NLGN4Y: variants seen among roughly 807,000 people sequenced by gnomAD.
NLGN4Y encodes the protein neuroligin 4 Y-linked.
Under a neutral mutation model 8.4 loss-of-function variants are expected in NLGN4Y, and 4 were observed. The observed-to-expected ratio is 0.48, with a 90% CI of 0.23 to 1.09. The LOEUF is 1.09. Among genes scored for constraint, NLGN4Y ranks in the 50% least tolerant of loss-of-function variants. The pLI, the probability that NLGN4Y is intolerant of heterozygous loss-of-function variation, is 0.19. For missense variants in NLGN4Y, 90 were observed against 192.3 expected (o/e 0.47, Z 3.15); for synonymous variants, 35 against 75.6 (o/e 0.46, Z 2.78).
chrY:14,742,572 A>G, intron 4 of NLGN4Y, among the ~76,000 whole-genome samples: 3 of 32,920 alleles, frequency 9.1e-5, no homozygotes, highest in Admixed American at 8.6e-4. Flanking sequence ...GAATTATTGC[A>G]TTAGAAATGT....
chrY:14,575,407 A>T, intron 1 of NLGN4Y, among the ~76,000 whole-genome samples: 3 of 33,307 alleles, frequency 9.0e-5, no homozygotes, highest in Non-Finnish European at 2.2e-4. Context: ...TGCATTTGTC[A>T]TGTAGTTCTT....
chrY:14,749,607 C>A (rs2081035795), intron 4 of NLGN4Y, among the ~76,000 whole-genome samples: 1 of 33,777 alleles, frequency 3.0e-5, no homozygotes. Context: ...GCTATGCATT[C>A]TCTTCTGTGT....
At chrY:14,639,561 C>T (rs2080581109) in intron 2 of NLGN4Y, 3 of 246,740 alleles carry the variant, frequency 1.2e-5, no homozygotes, top group Non-Finnish European at 2.0e-5. Flanking sequence ...CCCACTGGGA[C>T]GGACCAGTAG....
chrY:14,800,899 A>G, intron 4 of NLGN4Y, among the ~76,000 whole-genome samples: 1 of 31,873 alleles, frequency 3.1e-5, no homozygotes, highest in Non-Finnish European at 7.6e-5. Context: ...ACAAGGGACA[A>G]TTAGAACATC....
chrY:14,830,399 C>T lies in NLGN4Y; in HGVS notation c.1541C>T (p.Pro514Leu). 1 of 399,195 alleles carries T rather than the reference C, an allele frequency of 2.5e-6. No homozygotes were observed. Among genetic ancestry groups the T allele is most frequent in the Non-Finnish European group, 3.5e-6 (1 of 283,728 alleles). ...WADSAHGDEV[P>L]YVFGIPMIGP... ...GATTCGGCCCATGGCGATGAAGTCCCCTATGTCTTCGGCATCCCCATGATC... is the reference window on the plus strand; with the variant it reads ...GATTCGGCCCATGGCGATGAAGTCCTCTATGTCTTCGGCATCCCCATGATC... Residue 514 changes from proline (P) to leucine (L), a missense_variant, in exon 6 of 7, where the codon CCC (proline) becomes CTC (leucine). Around this residue, in one of 4 missense-constraint regions of NLGN4Y, gnomAD observed 37 missense variants for 94.0 expected, o/e 0.39. Transcript: ENST00000684976.
intron 1 of NLGN4Y, among the ~76,000 whole-genome samples, chrY:14,609,970 A>G (rs62614659): frequency 0.019 from 625 of 33,073 alleles, no homozygotes; most frequent in Non-Finnish European, 0.036. Context: ...GAATTTATCC[A>G]TTTCTTTTGG....
chrY:14,803,575 A>G, intron 4 of NLGN4Y, among the ~76,000 whole-genome samples: 1 of 32,491 alleles, frequency 3.1e-5, no homozygotes, highest in African/African-American at 1.2e-4. Flanking sequence ...ATAATGCCTG[A>G]AGCTCTTCCA....
intron 2 of NLGN4Y, chrY:14,639,607 A>G: frequency 5.3e-6 from 1 of 190,045 alleles, no homozygotes; most frequent in Non-Finnish European, 9.7e-6. Flanking sequence ...CGTGGAAACA[A>G]AGTCCAACAT....
At chrY:14,535,218 T>G (rs950252566) in intron 1 of NLGN4Y, among the ~76,000 whole-genome samples, 1 of 33,287 alleles carries the variant, frequency 3.0e-5, no homozygotes, top group Non-Finnish European at 7.4e-5. Context: ...TGGAAAGAAA[T>G]GAATAATGTA....
rs2080944166 is a variant in NLGN4Y, at chrY:14,723,220, C to T, written c.636C>T (p.Ser212=). The T allele has an allele frequency of 2.5e-6, 1 of 394,934 alleles. No homozygotes were observed. The part of the protein sequence containing the change: ...GNMIDGSILA[S]YGNVIVITIN... ...TGATTGATGGCAGCATTTTGGCCAG[C>T]TATGGGAACGTCATCGTTATCACCA... Residue 212 remains serine, a synonymous_variant, in exon 4 of 7, where the codon AGC becomes AGT. Transcript: ENST00000684976.
chrY:14,660,493 T>C, intron 2 of NLGN4Y, among the ~76,000 whole-genome samples: 1 of 32,364 alleles, frequency 3.1e-5, no homozygotes, highest in African/African-American at 1.2e-4. Context: ...AAGTAATCCT[T>C]CCACCTAAGC....
intron 1 of NLGN4Y, among the ~76,000 whole-genome samples, chrY:14,533,787 ACCT>A (rs2080122082): frequency 9.4e-5 from 3 of 32,006 alleles, no homozygotes; most frequent in African/African-American, 3.7e-4. Flanking sequence ...TGTGAAATTC[ACCT>A]CCCTGTGTCC....
chrY:14,552,450 C>A, intron 1 of NLGN4Y, among the ~76,000 whole-genome samples: 3 of 33,695 alleles, frequency 8.9e-5, no homozygotes. Flanking sequence ...ATCCTGATAC[C>A]ACAACCTGGC....
chrY:14,649,712 T>C, intron 2 of NLGN4Y, among the ~76,000 whole-genome samples: 1 of 33,990 alleles, frequency 2.9e-5, no homozygotes, highest in South Asian at 6.5e-4. Context: ...GTGGTTTCTC[T>C]TATGTCTTGA....
chrY:14,588,921 A>G lies in NLGN4Y; in HGVS notation c.-111-33088A>G, dbSNP rs1603500536. Among the ~76,000 whole-genome samples, 3 of 32,103 alleles carry G rather than the reference A, an allele frequency of 9.3e-5. No homozygotes were observed. In the South Asian group the frequency reaches 2.3e-3, roughly 24 times the overall value. The allele number at this position is 32,103 out of a possible 37,273, so 86.1% of individuals were successfully genotyped here. A position where few individuals can be genotyped will look rare whatever the true frequency, so the allele number is the denominator to read the frequency against. ...TAAGATAGTGCATCTGGAGTTGTTC[A>G]TTACTCCTGGTGGGCTCGTGGTCTT... On this transcript the variant is annotated intron_variant, in intron 1 of 6. Coordinates refer to ENST00000684976, the MANE Select transcript of NLGN4Y (RefSeq NM_001365588.1).
intron 1 of NLGN4Y, among the ~76,000 whole-genome samples, chrY:14,575,641 T>A (rs764480830): frequency 2.9e-5 from 1 of 34,103 alleles, no homozygotes; most frequent in South Asian, 6.6e-4. Context: ...TGTGCTGCAT[T>A]CCTTCAGAGG....
At chrY:14,712,151 A>C in intron 2 of NLGN4Y, among the ~76,000 whole-genome samples, 1 of 32,909 alleles carries the variant, frequency 3.0e-5, no homozygotes, top group Non-Finnish European at 7.5e-5. Flanking sequence ...CAGAACATGA[A>C]AAAAGAAAAG....
chrY:14,787,831 T>A, intron 4 of NLGN4Y, among the ~76,000 whole-genome samples: 2 of 33,564 alleles, frequency 6.0e-5, no homozygotes, highest in Non-Finnish European at 1.5e-4. Context: ...CCGGCCTATC[T>A]CAGTTCTTAG....
At chrY:14,803,114 G>T in intron 4 of NLGN4Y, among the ~76,000 whole-genome samples, 2 of 22,030 alleles carry the variant, frequency 9.1e-5, no homozygotes, top group African/African-American at 3.6e-4. Flanking sequence ...ATATAAATTT[G>T]TATATGATGT....
Sources: gnomAD v4.1 joint callset for allele counts (sites outside exome capture counted in the v4.1 genomes callset) on GRCh38, gnomAD v4.1.1 for gene constraint, gnomAD v4.1.1 regional missense constraint, MANE v1.5 for transcripts, NCBI Gene and HGNC (gene_info 2026-07-23, HGNC 2026-07-21) for gene names.